Variants in PTGR1 observed in about 807,000 individuals in gnomAD.
PTGR1 encodes the protein prostaglandin reductase 1.
In PTGR1, 23 loss-of-function variants were observed where a neutral mutation model predicts 37.7. The observed-to-expected ratio is 0.61, with a 90% CI of 0.44 to 0.86. The LOEUF (loss-of-function observed/expected upper bound fraction) is 0.86, where lower values mean the gene tolerates loss of function less well. Ranked by LOEUF, PTGR1 falls within the 40% of genes least tolerant of loss-of-function variation. The probability of loss-of-function intolerance (pLI) is 0.00; values close to 1 mark genes in which losing one functional copy is unlikely to be tolerated. For missense variants in PTGR1, 351 were observed against 394.3 expected, an observed-to-expected ratio of 0.89 and a Z score of 0.93; for synonymous variants, 134 against 140.0, an observed-to-expected ratio of 0.96 and a Z score of 0.30.
chr9:111,585,843 G>A (rs1829412862), intron 5 of PTGR1, among the ~76,000 whole-genome samples, 155 bp downstream of exon 5: 1 of 152,196 alleles, frequency 6.6e-6, no homozygotes, highest in Non-Finnish European at 1.5e-5. Flanking sequence ...GGACACTTAG[G>A]TTGATCTGCC....
chr9:111,594,219 T>C lies in PTGR1; in HGVS notation c.152+3A>G, dbSNP rs1829708277. The C allele has an allele frequency of 6.2e-7, 1 of 1,611,458 alleles. No homozygotes were observed. Among genetic ancestry groups the C allele is most frequent in the South Asian group, 1.1e-5 (1 of 91,014 alleles). ...GCATTTTGAGGGGCGAAATAAATAA[T>C]ACCTCATGTAGGGATCCACGGTGAG... On this transcript the variant is annotated splice_donor_region_variant and intron_variant, in intron 3 of 9. Coordinates refer to ENST00000407693, the MANE Select transcript of PTGR1 (RefSeq NM_001146108.2).
rs764065953 is a variant in PTGR1, at chr9:111,586,111, A to G, written c.264T>C (p.Ser88=). 1 of 1,614,216 alleles carries G rather than the reference A, an allele frequency of 6.2e-7. No individual in the cohort carries two copies. The highest frequency in any genetic ancestry group is 1.7e-5 in the Admixed American group (1 of 60,028). The change falls in exon 5 of 10, where the codon TCT becomes TCC. Residue 88 remains serine (S), a synonymous_variant. Coordinates refer to ENST00000407693, the MANE Select transcript of PTGR1 (RefSeq NM_001146108.2). Reference sequence around the variant, plus strand: ...AAATGGAGTGCGTTGTCCAGCCTGGAGAAGCCAGTACAATAGTTCCTTTTG... The same window carrying G: ...AAATGGAGTGCGTTGTCCAGCCTGGGGAAGCCAGTACAATAGTTCCTTTTG... The part of the protein sequence containing the change: ...ALPKGTIVLA[S]PGWTTHSISD...
chr9:111,555,411 C>G (rs1395845004), intron 9 of PTGR1, among the ~76,000 whole-genome samples: 1 of 152,128 alleles, frequency 6.6e-6, no homozygotes, highest in African/African-American at 2.4e-5. Flanking sequence ...TTCATTAGTA[C>G]CCCATCAGAA....
At position 111,592,986 on chromosome 9, in the gene PTGR1, CAAAAAAAAAAAAAAAAAAAAAAA is replaced by C; in HGVS notation, c.153-27_153-5del. On this transcript the variant is annotated splice_polypyrimidine_tract_variant and splice_region_variant and intron_variant, in intron 3 of 9. Transcript: ENST00000407693. ...CTTCAATCTTTTGGCTGCCACTCTG[CAAAAAAAAAAAAAAAAAAAAAAA>C]AAAAAAAATAGGTAAATAAATAAAA... The C allele has an allele frequency of 1.0e-6, 1 of 956,900 alleles. No homozygotes were observed. Among genetic ancestry groups the C allele is most frequent in the Non-Finnish European group, 1.3e-6 (1 of 763,558 alleles). The allele number at this position is 956,900 out of a possible 1,614,324, so 59.3% of individuals were successfully genotyped here. A position where few individuals can be genotyped will look rare whatever the true frequency, so the allele number is the denominator to read the frequency against.
intron 9 of PTGR1, among the ~76,000 whole-genome samples, chr9:111,567,679 C>A (rs184739282): frequency 6.6e-6 from 1 of 152,154 alleles, no homozygotes; most frequent in Non-Finnish European, 1.5e-5. Context: ...AAATGCAGAG[C>A]TTTGCATGGT....
At chr9:111,570,916 G>A (rs1221749232) in intron 8 of PTGR1, among the ~76,000 whole-genome samples, 1 of 152,172 alleles carries the variant, frequency 6.6e-6, no homozygotes, top group Admixed American at 6.5e-5. Flanking sequence ...AGAATATGGG[G>A]TGATAGAAGC....
At chr9:111,554,101 G>T (rs968642224) in intron 9 of PTGR1, among the ~76,000 whole-genome samples, 1 of 152,146 alleles carries the variant, frequency 6.6e-6, no homozygotes, top group Non-Finnish European at 1.5e-5. Context: ...TCTCACACAG[G>T]CTTCCCAGGA....
intron 9 of PTGR1, among the ~76,000 whole-genome samples, chr9:111,565,727 G>C (rs939497968): frequency 6.6e-6 from 1 of 152,022 alleles, no homozygotes; most frequent in Admixed American, 6.6e-5. Flanking sequence ...GTCTCATTAT[G>C]TTGCCAGGGC....
chr9:111,578,892 A>C lies in PTGR1; in HGVS notation c.555T>G (p.Leu185=), dbSNP rs1454806291. ...TGTAGTTAAAGACGACATCAAATCC[A>C]AGCTTTTGAAGGTAGGCAACCTTTT... is the stretch of plus-strand genomic sequence containing the variant. ...SDEKVAYLQK[L]GFDVVFNYKT... is the part of the protein sequence containing the mutation. The change falls in exon 7 of 10, where the codon CTT becomes CTG. Residue 185 remains leucine, a synonymous_variant. Transcript: ENST00000407693. The C allele has an allele frequency of 1.4e-5, 22 of 1,612,964 alleles. No homozygotes were observed. The highest frequency in any genetic ancestry group is 1.6e-5 in the Non-Finnish European group (19 of 1,179,678).
At chr9:111,561,963 G>C (rs1314075407), downstream of PTGR1, among the ~76,000 whole-genome samples, 1 of 150,166 alleles carries the variant, frequency 6.7e-6, no homozygotes, top group African/African-American at 2.5e-5. Flanking sequence ...TCGGCTCACT[G>C]CAACGTCTGC....
chr9:111,582,408 T>C (rs1829309412), intron 6 of PTGR1, among the ~76,000 whole-genome samples: 1 of 152,248 alleles, frequency 6.6e-6, no homozygotes, highest in Admixed American at 6.5e-5. Context: ...TTTGTAATTT[T>C]AGCACAATCC....
intron 3 of PTGR1, 81 bp from the exon 4 acceptor site, chr9:111,593,063 G>A: frequency 6.7e-7 from 1 of 1,495,184 alleles, no homozygotes. Flanking sequence ...GGAGCATCGG[G>A]GGACTGTTTT....
chr9:111,566,655 T>C (rs76781427), intron 9 of PTGR1, among the ~76,000 whole-genome samples: 10,194 of 152,232 alleles, frequency 0.067, 567 homozygotes, highest in African/African-American at 0.14. Flanking sequence ...CTGTGGCACA[T>C]GTATGCACCC....
chr9:111,566,202 C>A (rs568418769), intron 9 of PTGR1, among the ~76,000 whole-genome samples: 1 of 150,960 alleles, frequency 6.6e-6, no homozygotes, highest in African/African-American at 2.5e-5. Context: ...GCCTCCATGT[C>A]AAAAATAAAT....
intron 5 of PTGR1, among the ~76,000 whole-genome samples, chr9:111,585,438 G>A (rs895830846): frequency 2.0e-5 from 3 of 152,148 alleles, no homozygotes; most frequent in African/African-American, 7.2e-5. Context: ...GGGCAGGCAG[G>A]AAAGAATAAG....
intron 4 of PTGR1, among the ~76,000 whole-genome samples, chr9:111,592,022 G>T (rs1224060437): frequency 2.0e-5 from 3 of 152,150 alleles, no homozygotes; most frequent in African/African-American, 7.2e-5. Context: ...ATAGCTCTGG[G>T]AATGGAATGC....
chr9:111,575,822 A>G (rs1829030380), intron 7 of PTGR1, among the ~76,000 whole-genome samples: 1 of 152,222 alleles, frequency 6.6e-6, no homozygotes, highest in South Asian at 2.1e-4. Flanking sequence ...ATAAATATTC[A>G]TGACTCTGAG....
downstream of PTGR1, among the ~76,000 whole-genome samples, chr9:111,560,413 G>A (rs1276603038): frequency 2.0e-5 from 3 of 148,128 alleles, no homozygotes; most frequent in Non-Finnish European, 3.0e-5. Flanking sequence ...GGCGGAGGTT[G>A]CACTGAGCCG....
At chr9:111,593,270 T>G (rs1431079575) in intron 3 of PTGR1, among the ~76,000 whole-genome samples, 2 of 152,142 alleles carry the variant, frequency 1.3e-5, no homozygotes, top group Admixed American at 1.3e-4. Context: ...CAAGTAAAGA[T>G]GAATTTCTAC....
Sources: allele counts gnomAD v4.1 joint callset (sites outside exome capture counted in the v4.1 genomes callset), GRCh38; gene constraint gnomAD v4.1.1; transcripts MANE v1.5; gene names NCBI Gene and HGNC (gene_info 2026-07-23, HGNC 2026-07-21).